Variants in MTERF4 observed in about 807,000 individuals in gnomAD.
MTERF4 encodes the protein transcription termination factor 4, mitochondrial.
A neutral mutation model predicts 22.5 loss-of-function variants in MTERF4; 17 were observed. That is an observed-to-expected ratio of 0.75 (90% CI 0.52 to 1.13). The LOEUF (loss-of-function observed/expected upper bound fraction) is 1.13. Ranked by LOEUF, MTERF4 falls within the 50% of genes most tolerant of loss-of-function variation. The pLI is 0.00. For missense variants in MTERF4, 420 were observed against 466.8 expected, an observed-to-expected ratio of 0.90 and a Z score of 0.92; for synonymous variants, 165 against 175.3, an observed-to-expected ratio of 0.94 and a Z score of 0.47.
At chr2:241,065,206 G>A in the MTERF4 span, 4 of 1,344,326 alleles carry the variant, frequency 3.0e-6, no homozygotes, top group South Asian at 1.3e-5. Context: ...TCAGGCCCAA[G>A]AGCCAGACCC....
chr2:241,072,835 T>G (rs1027044784), exon 5 of MTERF4: 5 of 202,636 alleles, frequency 2.5e-5, no homozygotes, highest in Non-Finnish European at 5.0e-5. Flanking sequence ...AGTGATGCAG[T>G]TGGGGGCGAG....
chr2:241,064,945 G>A, the MTERF4 span: 2 of 1,585,090 alleles, frequency 1.3e-6, no homozygotes, highest in African/African-American at 1.4e-5. The surrounding 1 kb of genome is among the most constrained non-coding windows in gnomAD (Gnocchi z 7.0). Flanking sequence ...CACGGGCGAG[G>A]ACTGCGCCAA....
downstream of MTERF4, among the ~76,000 whole-genome samples, chr2:241,070,373 A>T (rs1286566558): frequency 6.6e-6 from 1 of 152,248 alleles, no homozygotes; most frequent in Non-Finnish European, 1.5e-5. Flanking sequence ...TTTCAAACCC[A>T]CAAGGAAAGG....
downstream of MTERF4, chr2:241,090,005 G>C: frequency 6.5e-7 from 1 of 1,549,332 alleles, no homozygotes; most frequent in Non-Finnish European, 8.7e-7. Context: ...AGCGTAGCTG[G>C]AATGCGCAGG....
exon 5 of MTERF4, chr2:241,072,540 CA>C: frequency 3.1e-6 from 1 of 323,134 alleles, no homozygotes; most frequent in South Asian, 2.5e-5. Context: ...AGAGCCTAGT[CA>C]CCAGTTTAAT....
the MTERF4 span, chr2:241,048,613 C>T: frequency 6.5e-7 from 1 of 1,539,276 alleles, no homozygotes. Flanking sequence ...GCGAGGGTGC[C>T]ATCTTTCTGC....
intron 1 of MTERF4, among the ~76,000 whole-genome samples, chr2:241,100,296 G>A (rs573695853): frequency 3.3e-5 from 5 of 152,100 alleles, no homozygotes; most frequent in Non-Finnish European, 7.4e-5. Flanking sequence ...GTTGGCCCTT[G>A]AACAACAAGG....
chr2:241,099,550 T>G lies in MTERF4; in HGVS notation c.366A>C (p.Gln122His), dbSNP rs1448695006. 7.4e-6 allele frequency: 12 copies of G among 1,614,110 alleles called. No homozygotes were observed. In the East Asian group the frequency reaches 2.7e-4, roughly 36 times the overall value. Residue 122 changes from glutamine (Q) to histidine (H), a missense_variant, in exon 2 of 4, where the codon CAA becomes CAC. Coordinates refer to ENST00000391980, the MANE Select transcript of MTERF4 (RefSeq NM_182501.4). ...LLSVRRGASL[Q>H]QLLDIISEFI... is the part of the protein sequence containing the mutation. ...ATTCTGAAATGATGTCCAGCAACTG[T>G]TGAAGACTGGCACCTCGCCGTACAC...
rs114609806 is a variant in MTERF4, at chr2:241,095,991, A to G, written c.*7T>C. On this transcript the variant is annotated 3_prime_UTR_variant, in exon 4 of 4. Transcript: ENST00000391980. ...TGGGCCCTTTCGCTCTAGTCCTTCC[A>G]TCACAGCTATTCCTCCTCGTCGTCG... is the stretch of plus-strand genomic sequence containing the variant. 1,778 of 1,613,332 alleles carry G rather than the reference A, an allele frequency of 1.1e-3. 19 individuals are homozygous for G. In the African/African-American group the frequency reaches 0.021, roughly 19 times the overall value.
the MTERF4 span, among the ~76,000 whole-genome samples, chr2:241,057,387 AT>A: frequency 2.1e-5 from 1 of 47,264 alleles, no homozygotes; most frequent in Admixed American, 2.1e-4. Flanking sequence ...CAAAATATAT[AT>A]ATATATATAT....
At chr2:241,090,191 C>T, downstream of MTERF4, 1 of 1,467,540 alleles carries the variant, frequency 6.8e-7, no homozygotes, top group Non-Finnish European at 9.0e-7. Context: ...TAGTGCTTTT[C>T]TCTGTTTTTA....
At chr2:241,071,867 C>T, downstream of MTERF4, 1 of 1,603,924 alleles carries the variant, frequency 6.2e-7, no homozygotes, top group Non-Finnish European at 8.5e-7. Flanking sequence ...AAAGCAGCCA[C>T]CGTGAGATCA....
chr2:241,071,807 T>C, downstream of MTERF4: 1 of 1,596,474 alleles, frequency 6.3e-7, no homozygotes, highest in Non-Finnish European at 8.5e-7. Flanking sequence ...TTCTCGGAGC[T>C]TGTGGACGGC....
downstream of MTERF4, chr2:241,068,093 T>A: frequency 1.3e-6 from 1 of 775,360 alleles, no homozygotes; most frequent in Non-Finnish European, 2.0e-6. This position sits in a 1 kb window ranked among gnomAD's most constrained non-coding sequence, Gnocchi z 5.3. Flanking sequence ...AGGTCTCAGG[T>A]GAGCCAGCCT....
the MTERF4 span, chr2:241,065,658 C>T: frequency 7.0e-7 from 1 of 1,429,268 alleles, no homozygotes; most frequent in African/African-American, 1.4e-5. Context: ...AGCGCTGGCC[C>T]CGGCACCTGC....
chr2:241,076,599 C>G (rs2063030412), intron 4 of MTERF4, among the ~76,000 whole-genome samples: 1 of 152,202 alleles, frequency 6.6e-6, no homozygotes, highest in Non-Finnish European at 1.5e-5. Flanking sequence ...GACCTGCTCA[C>G]ACCTGTAATC....
chr2:241,070,301 C>T, downstream of MTERF4: 1 of 1,270,366 alleles, frequency 7.9e-7, no homozygotes, highest in Non-Finnish European at 1.1e-6. Flanking sequence ...GGATGCCAGG[C>T]AGACAGCCTA....
At chr2:241,052,607 G>A in the MTERF4 span, 3 of 693,518 alleles carry the variant, frequency 4.3e-6, no homozygotes, top group Non-Finnish European at 7.8e-6. Flanking sequence ...GGATATATGG[G>A]ATACCAGTGC....
chr2:241,099,855 A>G lies in MTERF4; in HGVS notation c.61T>C (p.Cys21Arg), dbSNP rs746204137. 37 of 1,613,786 alleles carry G rather than the reference A, an allele frequency of 2.3e-5. No homozygotes were observed. Among genetic ancestry groups the G allele is most frequent in the African/African-American group, 1.2e-4 (9 of 74,938 alleles). Residue 21 changes from cysteine (C) to arginine (R), a missense_variant, in exon 2 of 4, where the codon TGT becomes CGT. Coordinates refer to ENST00000391980, the MANE Select transcript of MTERF4 (RefSeq NM_182501.4). ...WHRLIPLTWACMARQTPHLGE... is the reference protein window; with the variant it reads ...WHRLIPLTWARMARQTPHLGE... ...AGATGAGGAGTCTGCCTAGCCATACAGGCCCAGGTGAGGGGGATCAGGCGG... is the reference window on the plus strand; with the variant it reads ...AGATGAGGAGTCTGCCTAGCCATACGGGCCCAGGTGAGGGGGATCAGGCGG...
Sources: gnomAD v4.1 joint callset for allele counts (sites outside exome capture counted in the v4.1 genomes callset) on GRCh38, gnomAD v4.1.1 for gene constraint, Gnocchi (gnomAD v3.1) non-coding constraint, MANE v1.5 for transcripts, NCBI Gene and HGNC (gene_info 2026-07-23, HGNC 2026-07-21) for gene names.